The following ENTREP2 variants were observed in gnomAD, a reference collection of about 807,000 sequenced individuals.
ENTREP2 encodes the protein endosomal transmembrane epsin interactor 2, also known as protein ENTREP2.
At chr15:29,309,650 T>C in the ENTREP2 span, among the ~76,000 whole-genome samples, 1 of 105,442 alleles carries the variant, frequency 9.5e-6, no homozygotes, top group Non-Finnish European at 1.7e-5. Context: ...ATTAGTCGTG[T>C]GTGGTGCTGG....
chr15:29,657,451 C>G, the ENTREP2 span, among the ~76,000 whole-genome samples: 1 of 130,692 alleles, frequency 7.7e-6, no homozygotes, highest in Non-Finnish European at 1.6e-5. Context: ...CAGAAGTGGA[C>G]CCCTGCGAGT....
the ENTREP2 span, among the ~76,000 whole-genome samples, chr15:29,356,302 T>A: frequency 2.4e-4 from 20 of 83,104 alleles, no homozygotes; most frequent in African/African-American, 7.4e-4. Flanking sequence ...ATATATTTTT[T>A]TTTTTTTTTT....
chr15:29,223,674 G>A, the ENTREP2 span, among the ~76,000 whole-genome samples: 2 of 152,098 alleles, frequency 1.3e-5, no homozygotes, highest in South Asian at 4.1e-4. Flanking sequence ...CACAATGCGG[G>A]CCCAGTAGAA....
At chr15:29,180,230 C>T in the ENTREP2 span, among the ~76,000 whole-genome samples, 12 of 152,090 alleles carry the variant, frequency 7.9e-5, no homozygotes, top group Admixed American at 7.9e-4. Context: ...TTTACCTGTC[C>T]TCAAAAAGAT....
chr15:29,419,494 G>T, the ENTREP2 span, among the ~76,000 whole-genome samples: 3 of 152,244 alleles, frequency 2.0e-5, no homozygotes, highest in African/African-American at 7.2e-5. Flanking sequence ...AGGACACAAT[G>T]AATGGGCCTA....
chr15:29,158,534 T>C, the ENTREP2 span, among the ~76,000 whole-genome samples: 1 of 151,896 alleles, frequency 6.6e-6, no homozygotes, highest in Non-Finnish European at 1.5e-5. Context: ...GCCTCCCAAG[T>C]ATCTGGACTA....
the ENTREP2 span, among the ~76,000 whole-genome samples, chr15:29,464,224 A>G: frequency 6.6e-6 from 1 of 151,662 alleles, no homozygotes; most frequent in Admixed American, 6.6e-5. Context: ...TTTCACCATG[A>G]TACTAAAAAA....
the ENTREP2 span, among the ~76,000 whole-genome samples, chr15:29,426,349 C>A: frequency 6.6e-6 from 1 of 152,128 alleles, no homozygotes; most frequent in Non-Finnish European, 1.5e-5. Flanking sequence ...GGATTAAAAT[C>A]TAGTATTAAT....
At chr15:29,552,457 G>A in the ENTREP2 span, among the ~76,000 whole-genome samples, 6 of 151,998 alleles carry the variant, frequency 3.9e-5, no homozygotes, top group Admixed American at 2.0e-4. Flanking sequence ...AGGAAAGCAG[G>A]GCACCAGAGT....
chr15:29,198,905 T>C, the ENTREP2 span, among the ~76,000 whole-genome samples: 2 of 152,286 alleles, frequency 1.3e-5, no homozygotes, highest in African/African-American at 2.4e-5. Flanking sequence ...ACAAGATTCA[T>C]CTACCTTACT....
the ENTREP2 span, among the ~76,000 whole-genome samples, chr15:29,546,889 AAAAAAAAACAACAAC>A: frequency 9.1e-6 from 1 of 110,380 alleles, no homozygotes; most frequent in Admixed American, 8.5e-5. Context: ...TCCATCTCAA[AAAAAAAAACAACAAC>A]AAAAAAAAAA....
chr15:29,524,622 A>C, the ENTREP2 span, among the ~76,000 whole-genome samples: 1 of 152,222 alleles, frequency 6.6e-6, no homozygotes, highest in Non-Finnish European at 1.5e-5. Context: ...GAACCTGGGC[A>C]CTCAGCCGTG....
the ENTREP2 span, among the ~76,000 whole-genome samples, chr15:29,497,591 T>C: frequency 6.6e-6 from 1 of 152,218 alleles, no homozygotes; most frequent in African/African-American, 2.4e-5. Flanking sequence ...GTGTTTGTAG[T>C]ACTCTCTTAG....
chr15:29,582,140 ACCATCT>A, the ENTREP2 span, among the ~76,000 whole-genome samples: 1 of 152,056 alleles, frequency 6.6e-6, no homozygotes, highest in East Asian at 1.9e-4. Flanking sequence ...GATGGGTTTC[ACCATCT>A]TGGCCAGGCT....
At chr15:29,289,963 ATGTATACGACGAAACAC>A in the ENTREP2 span, among the ~76,000 whole-genome samples, 1 of 152,196 alleles carries the variant, frequency 6.6e-6, no homozygotes, top group African/African-American at 2.4e-5. Context: ...AAAATGCAGG[ATGTATACGACGAAACAC>A]TGTACAGCAA....
the ENTREP2 span, among the ~76,000 whole-genome samples, chr15:29,281,665 C>T: frequency 2.6e-5 from 4 of 152,186 alleles, no homozygotes; most frequent in East Asian, 1.9e-4. Context: ...GCGGCAACCC[C>T]GCTCTGGACT....
chr15:29,212,223 G>C, the ENTREP2 span, among the ~76,000 whole-genome samples: 1 of 152,068 alleles, frequency 6.6e-6, no homozygotes, highest in East Asian at 1.9e-4. Flanking sequence ...ATTTTTCCAG[G>C]AATTTATCCG....
chr15:29,596,612 A>T, the ENTREP2 span, among the ~76,000 whole-genome samples: 3 of 152,060 alleles, frequency 2.0e-5, no homozygotes, highest in Non-Finnish European at 2.9e-5. Context: ...GTACATTTAG[A>T]TCCTTTTGTC....
chr15:29,646,776 C>T, the ENTREP2 span, among the ~76,000 whole-genome samples: 1 of 152,142 alleles, frequency 6.6e-6, no homozygotes, highest in Non-Finnish European at 1.5e-5. Context: ...ACTTTTAGGA[C>T]ATGGCCTACC....
Sources: allele counts gnomAD v4.1 joint callset (sites outside exome capture counted in the v4.1 genomes callset), GRCh38; gene constraint gnomAD v4.1.1; transcripts MANE v1.5; gene names NCBI Gene and HGNC (gene_info 2026-07-23, HGNC 2026-07-21).